The following NPHP1 variants were observed in gnomAD, a reference collection of about 807,000 sequenced individuals.
NPHP1 encodes the protein nephrocystin-1.
NPHP1 carries 70 observed loss-of-function variants against 90.4 expected under a neutral mutation model. The ratio of observed to expected loss-of-function variants is 0.77; its 90% CI spans 0.64 to 0.95. The LOEUF is 0.95. Among genes scored for constraint, NPHP1 ranks in the 40% least tolerant of loss-of-function variants. NPHP1 has a pLI of 0.00. For synonymous variants in NPHP1, 256 were observed against 271.7 expected, an observed-to-expected ratio of 0.94 and a Z score of 0.57; for missense variants, 764 against 795.9, an observed-to-expected ratio of 0.96 and a Z score of 0.48.
chr2:110,141,979 A>AG (rs1553483599), intron 16 of NPHP1, among the ~76,000 whole-genome samples: 1 of 146,870 alleles, frequency 6.8e-6, no homozygotes, highest in African/African-American at 2.7e-5. Flanking sequence ...TCTCAAAAAA[A>AG]AAAAAAAAAA....
At chr2:110,129,920 G>A (rs1679662504) in intron 17 of NPHP1, among the ~76,000 whole-genome samples, 1 of 152,206 alleles carries the variant, frequency 6.6e-6, no homozygotes, top group South Asian at 2.1e-4. Flanking sequence ...GAATACCTGA[G>A]ACTGGGTAAC....
At chr2:110,137,679 G>C (rs1559051303) in intron 16 of NPHP1, among the ~76,000 whole-genome samples, 1 of 152,008 alleles carries the variant, frequency 6.6e-6, no homozygotes, top group Non-Finnish European at 1.5e-5. Context: ...GAAACAACAG[G>C]TGCTGGAGAG....
chr2:110,199,762 C>A (rs1263478542), intron 2 of NPHP1, among the ~76,000 whole-genome samples: 1 of 152,096 alleles, frequency 6.6e-6, no homozygotes, highest in Non-Finnish European at 1.5e-5. Flanking sequence ...ATGGAATTAA[C>A]GAAATAATCT....
chr2:110,183,014 A>T (rs1241138712), intron 2 of NPHP1, among the ~76,000 whole-genome samples: 1 of 152,090 alleles, frequency 6.6e-6, no homozygotes, highest in Non-Finnish European at 1.5e-5. Flanking sequence ...GACAAAACAG[A>T]CTTTAAGCCA....
rs115627876 is a variant in NPHP1, at chr2:110,165,870, T to A, written c.625-715A>T. Among the ~76,000 whole-genome samples the A allele has an allele frequency of 9.5e-3, 1,452 of 152,262 alleles. 37 individuals carry two copies. Among genetic ancestry groups the A allele is most frequent in the African/African-American group, 0.033 (1,388 of 41,562 alleles). ...TGATGGAAATCTCAAATACCCTGAC[T>A]TGATTATTACACAATCCATACAAGT... is the stretch of plus-strand genomic sequence containing the variant. On this transcript the variant is annotated intron_variant, in intron 6 of 19. Transcript: ENST00000445609.
chr2:110,188,151 G>A (rs1171096718), intron 2 of NPHP1, among the ~76,000 whole-genome samples: 1 of 152,014 alleles, frequency 6.6e-6, no homozygotes, highest in Non-Finnish European at 1.5e-5. Flanking sequence ...ATGCAGTGTT[G>A]GAAGTTCTGG....
intron 12 of NPHP1, among the ~76,000 whole-genome samples, chr2:110,149,501 GGT>G (rs1681309943): frequency 6.6e-6 from 1 of 152,098 alleles, no homozygotes; most frequent in Admixed American, 6.5e-5. Context: ...ACACAGTTGA[GGT>G]GGCTGGCCTC....
intron 2 of NPHP1, among the ~76,000 whole-genome samples, chr2:110,196,550 T>A (rs1252937487): frequency 6.6e-6 from 1 of 152,148 alleles, no homozygotes; most frequent in Non-Finnish European, 1.5e-5. Flanking sequence ...TTTTACACTG[T>A]TGGTGGGACT....
At chr2:110,124,246 T>G in intron 19 of NPHP1, 183 bp from the exon 20 acceptor site, 1 of 695,096 alleles carries the variant, frequency 1.4e-6, no homozygotes, top group South Asian at 1.6e-5. Context: ...GTGAGCAGAG[T>G]TACACAGAGT....
intron 2 of NPHP1, among the ~76,000 whole-genome samples, chr2:110,186,609 G>A (rs531534672): frequency 6.6e-6 from 1 of 152,204 alleles, no homozygotes; most frequent in South Asian, 2.1e-4. Context: ...CCCAATCCCA[G>A]ACTCCATGCA....
At chr2:110,196,030 G>A (rs376503018) in intron 2 of NPHP1, among the ~76,000 whole-genome samples, 20 of 151,998 alleles carry the variant, frequency 1.3e-4, no homozygotes, top group African/African-American at 4.1e-4. Flanking sequence ...CTTAAATGTT[G>A]GACCTAAAAC....
At chr2:110,172,955 T>C (rs1683249286) in intron 4 of NPHP1, among the ~76,000 whole-genome samples, 1 of 145,022 alleles carries the variant, frequency 6.9e-6, no homozygotes, top group South Asian at 2.1e-4. Flanking sequence ...CTTTTCTTTT[T>C]CTTTTTCTTT....
chr2:110,171,718 C>T (rs1408935236), intron 4 of NPHP1, among the ~76,000 whole-genome samples: 1 of 152,046 alleles, frequency 6.6e-6, no homozygotes, highest in Non-Finnish European at 1.5e-5. Flanking sequence ...TAGTGAATTT[C>T]AATGATTGAT....
At chr2:110,198,329 G>A (rs1430591622) in intron 2 of NPHP1, among the ~76,000 whole-genome samples, 1 of 151,958 alleles carries the variant, frequency 6.6e-6, no homozygotes, top group Non-Finnish European at 1.5e-5. Flanking sequence ...CAGTGGCTGG[G>A]GTTTACTTTA....
chr2:110,196,584 A>G (rs1685182994), intron 2 of NPHP1, among the ~76,000 whole-genome samples: 1 of 152,186 alleles, frequency 6.6e-6, no homozygotes, highest in South Asian at 2.1e-4. Context: ...ACCATTGTGG[A>G]AGTCAGTGTG....
At position 110,168,496 on chromosome 2, in the gene NPHP1, C is replaced by T. The variant is rs777370254; in HGVS notation, c.580G>A (p.Asp194Asn). The T allele has an allele frequency of 1.2e-6, 2 of 1,613,370 alleles. No individual in the cohort carries two copies. Among genetic ancestry groups the T allele is most frequent in the Non-Finnish European group, 8.5e-7 (1 of 1,179,586 alleles). Residue 194 changes from aspartate (D) to asparagine (N), a missense_variant, in exon 6 of 20, where the codon GAT becomes AAT. By Grantham distance (23) the Asp-to-Asn change is conservative (BLOSUM62 1). Coordinates refer to ENST00000445609, the MANE Select transcript of NPHP1 (RefSeq NM_001128178.3). ...KKPDGWWIAKDAKGNEGLVPR... is the reference protein window; with the variant it reads ...KKPDGWWIAKNAKGNEGLVPR... ...ACAAGACCTTCATTTCCTTTGGCAT[C>T]CTTAGCTATCCACCAACCATCAGGT...
chr2:110,190,537 A>T (rs1400902013), intron 2 of NPHP1, among the ~76,000 whole-genome samples: 1 of 152,176 alleles, frequency 6.6e-6, no homozygotes, highest in African/African-American at 2.4e-5. Context: ...CTGGCCCACA[A>T]GCACCGTGTG....
chr2:110,140,590 C>T (rs17842062), intron 16 of NPHP1, among the ~76,000 whole-genome samples: 47,739 of 151,926 alleles, frequency 0.31, 8,124 homozygotes, highest in East Asian at 0.58. Context: ...GAAATATACA[C>T]ATGGGAGTGC....
intron 10 of NPHP1, 134 bp downstream of exon 10, chr2:110,161,469 G>A (rs1193210181): frequency 1.6e-6 from 1 of 627,606 alleles, no homozygotes; most frequent in East Asian, 2.8e-5. Flanking sequence ...TAAAAATATC[G>A]CTATTTTCAA....
Sources: gnomAD v4.1 joint callset for allele counts (sites outside exome capture counted in the v4.1 genomes callset) on GRCh38, gnomAD v4.1.1 for gene constraint, MANE v1.5 for transcripts, NCBI Gene and HGNC (gene_info 2026-07-23, HGNC 2026-07-21) for gene names.